ZNF462: variants seen among roughly 807,000 people sequenced by gnomAD.
ZNF462 encodes the protein zinc finger protein 462.
In ZNF462, 10 loss-of-function variants were observed where a neutral mutation model predicts 201.9. The ratio of observed to expected loss-of-function variants is 0.05; its 90% CI spans 0.03 to 0.08. The LOEUF (loss-of-function observed/expected upper bound fraction) is 0.08. Ranked by LOEUF, ZNF462 falls within the 10% of genes least tolerant of loss-of-function variation. The pLI is 1.00. For synonymous variants in ZNF462, 1,227 were observed against 1,193.3 expected, an observed-to-expected ratio of 1.03 and a Z score of -0.58; for missense variants, 2,523 against 3,168.3, an observed-to-expected ratio of 0.80 and a Z score of 4.89.
At chr9:106,955,828 C>T (rs1335705462) in intron 7 of ZNF462, among the ~76,000 whole-genome samples, 1 of 152,146 alleles carries the variant, frequency 6.6e-6, no homozygotes, top group Non-Finnish European at 1.5e-5. Flanking sequence ...TAAAAAGCAA[C>T]TCCTTATCTT....
In ZNF462 at chr9:106,984,370, C is replaced by A; in HGVS notation, c.7017C>A (p.His2339Gln). The A allele has an allele frequency of 6.2e-7, 1 of 1,613,956 alleles. No individual in the cohort carries two copies. The highest frequency in any genetic ancestry group is 1.1e-5 in the South Asian group (1 of 91,070). The change falls in exon 10 of 13, where the codon CAC (histidine) becomes CAA (glutamine). Residue 2339 changes from histidine to glutamine, a missense_variant. His to Gln is a conservative substitution (Grantham distance 24, BLOSUM62 0). Around this residue, in one of 15 missense-constraint regions of ZNF462, gnomAD observed 228 missense variants for 361.2 expected, o/e 0.63. Transcript: ENST00000277225. The surrounding 1 kb of genome is among the most constrained non-coding windows in gnomAD (Gnocchi z 6.4). ...KCQLCYYETK[H>Q]TEELDSHLRD... ...AGCTCTGCTACTATGAGACCAAGCACACGGAGGAACTGGACAGCCACCTTC... is the reference window on the plus strand; with the variant it reads ...AGCTCTGCTACTATGAGACCAAGCAAACGGAGGAACTGGACAGCCACCTTC...
chr9:106,932,328 C>A lies in ZNF462; in HGVS notation c.6013-118C>A. The A allele has an allele frequency of 6.4e-7, 1 of 1,560,334 alleles. No individual in the cohort carries two copies. Among genetic ancestry groups the A allele is most frequent in the Non-Finnish European group, 8.7e-7 (1 of 1,151,818 alleles). The stretch of plus-strand genomic sequence containing the variant: ...TGGAAGCAGCCAAAGACGCCAGTGG[C>A]GCCCTGGTGGGCCGGGTGGATGGTG... On this transcript the variant is annotated intron_variant, in intron 4 of 12. Transcript: ENST00000277225. The surrounding 1 kb of genome is among the most constrained non-coding windows in gnomAD (Gnocchi z 6.8).
intron 5 of ZNF462, among the ~76,000 whole-genome samples, chr9:106,934,902 C>T (rs944606844): frequency 6.6e-6 from 1 of 152,122 alleles, no homozygotes; most frequent in African/African-American, 2.4e-5. Flanking sequence ...GATGTGCGGC[C>T]TTTTGACCAC....
chr9:106,984,095 T>C lies in ZNF462; in HGVS notation c.6833-91T>C, dbSNP rs1381615780. 4.9e-6 allele frequency: 6 copies of C among 1,212,612 alleles called. No homozygotes were observed. In the African/African-American group the frequency reaches 9.0e-5, roughly 18 times the overall value. 75.1% of individuals were successfully genotyped at this position (1,212,612 alleles called of 1,614,324 possible). ...ACCAGATCCACGAGGAGCAGCAAGA[T>C]TGGGTGAGTTTCTTCTTGTATTCCA... On this transcript the variant is annotated intron_variant, in intron 9 of 12. Coordinates refer to ENST00000277225, the MANE Select transcript of ZNF462 (RefSeq NM_021224.6). The surrounding 1 kb of genome is among the most constrained non-coding windows in gnomAD (Gnocchi z 6.4).
At chr9:106,952,078 G>T (rs190986650) in intron 7 of ZNF462, among the ~76,000 whole-genome samples, 2 of 152,182 alleles carry the variant, frequency 1.3e-5, no homozygotes, top group East Asian at 1.9e-4. Context: ...GGGAGATGCT[G>T]GAACCATGAG....
chr9:106,889,864 G>T (rs1164879641), intron 1 of ZNF462, among the ~76,000 whole-genome samples: 1 of 152,072 alleles, frequency 6.6e-6, no homozygotes, highest in East Asian at 1.9e-4. Context: ...ATTTGCTGAC[G>T]ATCAACTCCC....
At chr9:106,862,943 T>C (rs916442058), upstream of ZNF462, among the ~76,000 whole-genome samples, 1 of 151,988 alleles carries the variant, frequency 6.6e-6, no homozygotes, top group Non-Finnish European at 1.5e-5. The surrounding 1 kb of genome is among the most constrained non-coding windows in gnomAD (Gnocchi z 4.2). Flanking sequence ...AGGAGAAGAT[T>C]GTCTTCCTTC....
chr9:106,861,954 G>A (rs1455168834), upstream of ZNF462, among the ~76,000 whole-genome samples: 1 of 152,172 alleles, frequency 6.6e-6, no homozygotes, highest in Non-Finnish European at 1.5e-5. Flanking sequence ...GCTGGAGGGT[G>A]TAAAGTTATT....
chr9:106,949,387 G>A (rs1831243660), intron 7 of ZNF462, among the ~76,000 whole-genome samples: 1 of 152,192 alleles, frequency 6.6e-6, no homozygotes, highest in African/African-American at 2.4e-5. Context: ...CAATTTATGT[G>A]TGAACAAGCC....
intron 7 of ZNF462, among the ~76,000 whole-genome samples, chr9:106,965,657 T>C (rs1004352004): frequency 6.6e-6 from 1 of 151,978 alleles, no homozygotes; most frequent in Non-Finnish European, 1.5e-5. Context: ...CAGAAGGAGA[T>C]GTTTAGGGAA....
At chr9:106,975,561 A>G (rs1447217110) in intron 9 of ZNF462, 1 of 152,200 alleles carries the variant, frequency 6.6e-6, no homozygotes, top group African/African-American at 2.4e-5. Context: ...AGCTGGGAGA[A>G]GTATCATAGG....
At chr9:106,903,720 T>G (rs1048029904) in intron 1 of ZNF462, among the ~76,000 whole-genome samples, 3 of 152,236 alleles carry the variant, frequency 2.0e-5, no homozygotes, top group African/African-American at 7.2e-5. Flanking sequence ...AAAGTTTGTT[T>G]TGTCTGATAT....
intron 10 of ZNF462, among the ~76,000 whole-genome samples, chr9:107,000,362 T>TA (rs1829094390): frequency 6.6e-6 from 1 of 151,750 alleles, no homozygotes; most frequent in Non-Finnish European, 1.5e-5. Flanking sequence ...TTGACCACAC[T>TA]AAAGAATCAG....
intron 1 of ZNF462, among the ~76,000 whole-genome samples, chr9:106,909,176 T>C (rs1298725539): frequency 2.0e-5 from 3 of 151,344 alleles, no homozygotes; most frequent in Non-Finnish European, 4.4e-5. Context: ...TTGGCCAGAC[T>C]GGTCTTGAAC....
Position 106,927,914 on chromosome 9 carries a change from G to A in ZNF462, c.4002G>A (p.Arg1334=). 1 of 1,614,194 alleles carries A rather than the reference G, an allele frequency of 6.2e-7. No homozygotes were observed. The highest frequency in any genetic ancestry group is 8.5e-7 in the Non-Finnish European group (1 of 1,180,050). ...PNGLLLHYQR[R]HPEHYVDYTY... ...GTTTGCTCCTGCATTACCAACGGAGGCATCCAGAACACTATGTTGATTACA... is the reference window on the plus strand; with the variant it reads ...GTTTGCTCCTGCATTACCAACGGAGACATCCAGAACACTATGTTGATTACA... Residue 1334 remains arginine, a synonymous_variant, in exon 3 of 13, where the codon AGG becomes AGA. Transcript: ENST00000277225.
upstream of ZNF462, among the ~76,000 whole-genome samples, chr9:106,860,292 C>A (rs1226449395): frequency 1.3e-5 from 2 of 152,210 alleles, no homozygotes; most frequent in Non-Finnish European, 2.9e-5. This position sits in a 1 kb window ranked among gnomAD's most constrained non-coding sequence, Gnocchi z 7.1. Flanking sequence ...GTCCGCCAGC[C>A]GCTTCCCCGG....
At chr9:106,949,527 A>G (rs904783912) in intron 7 of ZNF462, among the ~76,000 whole-genome samples, 2 of 152,172 alleles carry the variant, frequency 1.3e-5, no homozygotes, top group Admixed American at 1.3e-4. Context: ...CTCCCACCCC[A>G]GTGGCAACAC....
chr9:106,908,926 TATATATATATATATA>T (rs1211101748), intron 1 of ZNF462, among the ~76,000 whole-genome samples: 19 of 34,470 alleles, frequency 5.5e-4, no homozygotes, highest in Non-Finnish European at 9.6e-4. Context: ...TATATATATA[TATATATATATATATA>T]TTTTTTTTTT....
chr9:106,863,058 AGAGAGAAGAG>A (rs1827123963), upstream of ZNF462: 1 of 386,460 alleles, frequency 2.6e-6, no homozygotes, highest in Non-Finnish European at 4.5e-6. Context: ...GGAGGAGAGG[AGAGAGAAGAG>A]GAGAGAGAGG....
Sources: gnomAD v4.1 joint callset for allele counts (sites outside exome capture counted in the v4.1 genomes callset) on GRCh38, gnomAD v4.1.1 for gene constraint, gnomAD v4.1.1 regional missense constraint, Gnocchi (gnomAD v3.1) non-coding constraint, MANE v1.5 for transcripts, NCBI Gene and HGNC (gene_info 2026-07-23, HGNC 2026-07-21) for gene names.